The following FOXN3 variants were observed in gnomAD, a reference collection of about 807,000 sequenced individuals.
The protein encoded by FOXN3 is forkhead box protein N3.
In FOXN3, 7 loss-of-function variants were observed where a neutral mutation model predicts 38.4. That is an observed-to-expected ratio of 0.18 (90% CI 0.10 to 0.34). The LOEUF (loss-of-function observed/expected upper bound fraction) is 0.34. Among genes scored for constraint, FOXN3 ranks in the 10% least tolerant of loss-of-function variants. The pLI, the probability that FOXN3 is intolerant of heterozygous loss-of-function variation, is 1.00. For synonymous variants in FOXN3, 230 were observed against 242.2 expected (o/e 0.95, Z 0.47); for missense variants, 456 against 613.4 (o/e 0.74, Z 2.71).
At chr14:89,302,067 G>A (rs1165805622) in intron 3 of FOXN3, among the ~76,000 whole-genome samples, 1 of 152,120 alleles carries the variant, frequency 6.6e-6, no homozygotes, top group Non-Finnish European at 1.5e-5. Context: ...AACCCAAAAC[G>A]AAATGGTTGG....
At chr14:89,419,242 A>AT (rs572502565), upstream of FOXN3, 1 of 454,876 alleles carries the variant, frequency 2.2e-6, no homozygotes, top group African/African-American at 2.0e-5. Context: ...CAGGGGACAC[A>AT]TGTCTGCCTG....
rs192561681 is a variant in FOXN3 at position 89,476,388 on chromosome 14, G to A, written c.-14-63898C>T. ...AGACTCCCGGCAGATGCCCCTGCTC[G>A]GACCCCCAACTGCTCCTCTGAACCA... On this transcript the variant is annotated intron_variant, in intron 1 of 6. Transcript: ENST00000345097. Among the ~76,000 whole-genome samples, 49 of 152,208 alleles carry A rather than the reference G, an allele frequency of 3.2e-4. 1 individual carries two copies. The highest frequency in any genetic ancestry group is 3.1e-3 in the Admixed American group (47 of 15,290).
At chr14:89,266,944 G>A (rs74630324) in intron 4 of FOXN3, among the ~76,000 whole-genome samples, 4,352 of 152,258 alleles carry the variant, frequency 0.029, 86 homozygotes, top group Admixed American at 0.087. Context: ...CCAAAGGCAC[G>A]AGCCATGAGT....
chr14:89,616,792 G>A (rs1334469773), intron 1 of FOXN3, among the ~76,000 whole-genome samples: 2 of 152,196 alleles, frequency 1.3e-5, no homozygotes, highest in Non-Finnish European at 2.9e-5. Flanking sequence ...CTCAGAGGTA[G>A]CAAAATGCAA....
At position 89,162,831 on chromosome 14, in the gene FOXN3, G is replaced by A. The variant is rs780937118; in HGVS notation, c.990C>T (p.Ser330=). ...SSNARSTSPT[S]DSISSSSSSA... is the part of the protein sequence containing the mutation. ...AGGAGGAGGAGGAGGAGATGGAGTCGCTGGTGGGCGAGGTGCTCCGGGCGT... is the reference window on the plus strand; with the variant it reads ...AGGAGGAGGAGGAGGAGATGGAGTCACTGGTGGGCGAGGTGCTCCGGGCGT... The change falls in exon 6 of 6, where the codon AGC becomes AGT. Residue 330 remains serine, a synonymous_variant. Transcript: ENST00000557258. The surrounding 1 kb of genome is among the most constrained non-coding windows in gnomAD (Gnocchi z 7.2). The A allele has an allele frequency of 2.1e-5, 34 of 1,611,792 alleles. No homozygotes were observed. The highest frequency in any genetic ancestry group is 2.5e-5 in the Non-Finnish European group (30 of 1,179,980).
chr14:89,588,956 A>T (rs1895900826), intron 1 of FOXN3, among the ~76,000 whole-genome samples: 1 of 152,214 alleles, frequency 6.6e-6, no homozygotes, highest in Non-Finnish European at 1.5e-5. Flanking sequence ...CACATCTTTT[A>T]AAGGGTGTAC....
intron 1 of FOXN3, among the ~76,000 whole-genome samples, chr14:89,461,910 G>A (rs1217772936): frequency 6.6e-6 from 1 of 152,222 alleles, no homozygotes; most frequent in East Asian, 1.9e-4. Flanking sequence ...TATCCTATCA[G>A]GAGCAGGACT....
intron 3 of FOXN3, among the ~76,000 whole-genome samples, chr14:89,313,658 G>T (rs1381216948): frequency 6.8e-6 from 1 of 146,924 alleles, no homozygotes; most frequent in East Asian, 2.0e-4. Flanking sequence ...GTTTGTGTGG[G>T]TAAAGTCACA....
intron 4 of FOXN3, among the ~76,000 whole-genome samples, chr14:89,249,900 T>A (rs2139877125): frequency 6.6e-6 from 1 of 152,330 alleles, no homozygotes; most frequent in South Asian, 2.1e-4. Context: ...CAATATTATA[T>A]GAAATTCAAA....
chr14:89,407,525 A>T (rs1891424943), intron 2 of FOXN3, among the ~76,000 whole-genome samples: 1 of 152,244 alleles, frequency 6.6e-6, no homozygotes, highest in African/African-American at 2.4e-5. Context: ...TGTAAATGTC[A>T]TCTGCTTCAA....
chr14:89,399,011 G>A (rs1891175255), intron 2 of FOXN3, among the ~76,000 whole-genome samples: 1 of 152,164 alleles, frequency 6.6e-6, no homozygotes, highest in African/African-American at 2.4e-5. Flanking sequence ...CAATAAAATG[G>A]TCTTCAAATG....
intron 4 of FOXN3, among the ~76,000 whole-genome samples, chr14:89,268,594 G>A (rs1034225976): frequency 4.6e-5 from 7 of 152,196 alleles, no homozygotes; most frequent in African/African-American, 1.7e-4. Flanking sequence ...CCCTGTCTGT[G>A]CGTCTCTGGG....
At chr14:89,513,089 G>A (rs1160879053) in intron 1 of FOXN3, among the ~76,000 whole-genome samples, 1 of 144,484 alleles carries the variant, frequency 6.9e-6, no homozygotes, top group African/African-American at 2.5e-5. Flanking sequence ...GCAGTGAGCC[G>A]AGATCGCGCC....
chr14:89,476,378 G>A (rs1893209431), intron 1 of FOXN3, among the ~76,000 whole-genome samples: 1 of 152,144 alleles, frequency 6.6e-6, no homozygotes, highest in South Asian at 2.1e-4. Context: ...CCCGGCAGAT[G>A]CCCCTGCTCG....
intron 4 of FOXN3, among the ~76,000 whole-genome samples, chr14:89,276,692 A>G (rs191604054): frequency 1.3e-5 from 2 of 152,340 alleles, no homozygotes; most frequent in Admixed American, 6.5e-5. Flanking sequence ...ACAGAGATGT[A>G]CCATCAAGAA....
At chr14:89,593,282 G>A (rs957573866) in intron 1 of FOXN3, among the ~76,000 whole-genome samples, 3 of 152,040 alleles carry the variant, frequency 2.0e-5, no homozygotes, top group Non-Finnish European at 4.4e-5. Context: ...TGTTTAGAGA[G>A]AGAGAATCAT....
chr14:89,566,229 G>A (rs1162008564), intron 1 of FOXN3, among the ~76,000 whole-genome samples: 1 of 152,086 alleles, frequency 6.6e-6, no homozygotes, highest in East Asian at 1.9e-4. Flanking sequence ...GCTGTCAAAT[G>A]ACACCCTTTC....
chr14:89,228,001 A>G (rs1305272936), intron 4 of FOXN3, among the ~76,000 whole-genome samples: 1 of 152,166 alleles, frequency 6.6e-6, no homozygotes, highest in Admixed American at 6.5e-5. Context: ...CAGCCCCCCA[A>G]AGTGCTAGTA....
chr14:89,448,648 G>A (rs1212226201), intron 1 of FOXN3, among the ~76,000 whole-genome samples: 2 of 152,040 alleles, frequency 1.3e-5, no homozygotes, highest in African/African-American at 4.8e-5. Context: ...CTCTACATAA[G>A]AAATCCTGGG....
Sources: gnomAD v4.1 joint callset for allele counts (sites outside exome capture counted in the v4.1 genomes callset) on GRCh38, gnomAD v4.1.1 for gene constraint, Gnocchi (gnomAD v3.1) non-coding constraint, MANE v1.5 for transcripts, NCBI Gene and HGNC (gene_info 2026-07-23, HGNC 2026-07-21) for gene names.